HDAC8: variants seen among roughly 807,000 people sequenced by gnomAD.
HDAC8 encodes the protein histone deacetylase-like 1.
A neutral mutation model predicts 32.2 loss-of-function variants in HDAC8; 1 was observed. The ratio of observed to expected loss-of-function variants is 0.03; its 90% confidence interval spans 0.01 to 0.15. The LOEUF (loss-of-function observed/expected upper bound fraction) is 0.15. Ranked by LOEUF, HDAC8 falls within the 10% of genes least tolerant of loss-of-function variation. The pLI is 1.00. For missense variants in HDAC8, 117 were observed against 300.0 expected, an observed-to-expected ratio of 0.39 and a Z score of 4.51; for synonymous variants, 108 against 113.9, an observed-to-expected ratio of 0.95 and a Z score of 0.33.
At chrX:72,442,330 G>A (rs530102463) in intron 9 of HDAC8, among the ~76,000 whole-genome samples, 19 of 111,519 alleles carry the variant, frequency 1.7e-4, no homozygotes, top group Non-Finnish European at 2.8e-4. Context: ...GACTAACAGC[G>A]GATCTCTCGG....
chrX:72,456,565 A>G (rs1555989689), intron 9 of HDAC8, among the ~76,000 whole-genome samples: 4 of 111,624 alleles, frequency 3.6e-5, no homozygotes, highest in Non-Finnish European at 7.5e-5. Flanking sequence ...TTGGGAGGCC[A>G]AGGCAGGCGA....
In HDAC8 at chrX:72,356,590, T is replaced by G. The variant is rs187024051; in HGVS notation, c.1006-4752A>C. On this transcript the variant is annotated intron_variant, in intron 9 of 10. Transcript: ENST00000373573. ...GGAGATACTGCAAGCTTTTTTTTTT[T>G]TGGGGATGGAGTCTCACTCTGTCGC... Among the ~76,000 whole-genome samples, 1,020 of 110,295 alleles carry G rather than the reference T, an allele frequency of 9.2e-3. 8 individuals are homozygous for G. Among genetic ancestry groups the G allele is most frequent in the African/African-American group, 0.031 (941 of 30,233 alleles).
At position 72,565,233 on chromosome X, in the gene HDAC8, G is replaced by T. The variant is rs184188709; in HGVS notation, c.437+2656C>A. On this transcript the variant is annotated intron_variant, in intron 4 of 10. Coordinates refer to ENST00000373573, the MANE Select transcript of HDAC8 (RefSeq NM_018486.3). ...TCAATGCTTGTTCAATGAATAAATGGCATGTATGAATCTGTACATATATTT... is the reference window on the plus strand; with the variant it reads ...TCAATGCTTGTTCAATGAATAAATGTCATGTATGAATCTGTACATATATTT... Among the ~76,000 whole-genome samples the T allele has an allele frequency of 1.5e-4, 17 of 112,338 alleles. No individual in the cohort carries two copies. In the East Asian group the frequency reaches 4.7e-3, roughly 31 times the overall value.
intron 4 of HDAC8, among the ~76,000 whole-genome samples, chrX:72,546,388 A>C (rs1556055090): frequency 2.7e-5 from 3 of 111,258 alleles, no homozygotes; most frequent in Non-Finnish European, 5.6e-5. Context: ...TGGGGGAAGA[A>C]GGATGTGGTC....
intron 9 of HDAC8, among the ~76,000 whole-genome samples, chrX:72,352,412 T>C (rs1181894616): frequency 5.4e-5 from 6 of 111,628 alleles, no homozygotes; most frequent in African/African-American, 2.0e-4. Context: ...ATTGTGCTTG[T>C]TGCAGAGGGA....
At position 72,417,649 on chromosome X, in the gene HDAC8, A is replaced by G. The variant is rs782326678; in HGVS notation, c.1005+44355T>C. On this transcript the variant is annotated intron_variant, in intron 9 of 10. Coordinates refer to ENST00000373573, the MANE Select transcript of HDAC8 (RefSeq NM_018486.3). ...TTAAAATGGCCATACTGCCCAAAGC[A>G]ATTTACTGTTTCAATGCTATTTCTA... 7.7e-4 allele frequency among the ~76,000 whole-genome samples: 86 copies of G among 112,144 alleles called. 1 individual carries two copies. Among genetic ancestry groups the G allele is most frequent in the Middle Eastern group, 9.3e-3 (2 of 215 alleles).
At chrX:72,474,012 C>T in intron 7 of HDAC8, 2 of 631,522 alleles carry the variant, frequency 3.2e-6, no homozygotes, top group Non-Finnish European at 3.8e-6. Flanking sequence ...TCTCTCCCAA[C>T]TTTGATCTTG....
At chrX:72,481,862 G>T (rs782072730) in intron 7 of HDAC8, among the ~76,000 whole-genome samples, 63 of 110,254 alleles carry the variant, frequency 5.7e-4, no homozygotes, top group African/African-American at 2.1e-3. Context: ...TGCTCACCTT[G>T]GCCTCCCAAA....
chrX:72,535,187 TCTA>T (rs1556038436), intron 4 of HDAC8, among the ~76,000 whole-genome samples: 1 of 112,056 alleles, frequency 8.9e-6, no homozygotes, highest in East Asian at 2.8e-4. Context: ...TATTGGTGCT[TCTA>T]CTGTCGCTTC....
chrX:72,454,344 T>C (rs782578895), intron 9 of HDAC8, among the ~76,000 whole-genome samples: 7 of 111,068 alleles, frequency 6.3e-5, no homozygotes, highest in Non-Finnish European at 1.1e-4. Flanking sequence ...AGGGGTGTTG[T>C]CCAGAGCTAA....
rs183659328 is a variant in HDAC8, at chrX:72,399,240, A to C, written c.1006-47402T>G. On this transcript the variant is annotated intron_variant, in intron 9 of 10. Transcript: ENST00000373573. ...CCCAACATGATTTATTAAAGAATTC[A>C]CTCTTTCCTTGACCGATCTGCAATG... is the stretch of plus-strand genomic sequence containing the variant. Among the ~76,000 whole-genome samples the C allele has an allele frequency of 4.2e-3, 464 of 111,130 alleles. 4 individuals carry two copies. The highest frequency in any genetic ancestry group is 7.0e-3 in the Non-Finnish European group (373 of 52,984).
At chrX:72,457,501 G>C (rs1225446580) in intron 9 of HDAC8, among the ~76,000 whole-genome samples, 12 of 112,600 alleles carry the variant, frequency 1.1e-4, no homozygotes, top group African/African-American at 3.9e-4. Flanking sequence ...AGTAAATTTA[G>C]CAAGGTTACA....
chrX:72,559,220 CTG>C (rs1556108119), intron 4 of HDAC8, among the ~76,000 whole-genome samples: 1 of 106,503 alleles, frequency 9.4e-6, no homozygotes, highest in Non-Finnish European at 1.9e-5. Context: ...TGCAGGCGTG[CTG>C]CCACGCCTGA....
At chrX:72,443,690 C>A (rs1326838355) in intron 9 of HDAC8, among the ~76,000 whole-genome samples, 1 of 107,942 alleles carries the variant, frequency 9.3e-6, no homozygotes, top group Non-Finnish European at 1.9e-5. Flanking sequence ...AAAATCAGAG[C>A]AGAACTGAAG....
At chrX:72,440,608 A>C (rs1555981317) in intron 9 of HDAC8, among the ~76,000 whole-genome samples, 1 of 112,189 alleles carries the variant, frequency 8.9e-6, no homozygotes, top group African/African-American at 3.2e-5. Context: ...TGAGCGACGC[A>C]GAAGACGGGT....
chrX:72,515,593 G>C (rs1266766768), intron 4 of HDAC8, among the ~76,000 whole-genome samples: 1 of 83,652 alleles, frequency 1.2e-5, no homozygotes, highest in Admixed American at 1.4e-4. Flanking sequence ...TGTGTGGGGG[G>C]GGGGTGGGGG....
intron 9 of HDAC8, among the ~76,000 whole-genome samples, chrX:72,411,271 ACCTTG>A (rs2046189671): frequency 9.1e-6 from 1 of 109,432 alleles, no homozygotes; most frequent in African/African-American, 3.4e-5. Flanking sequence ...TGATCCTCCC[ACCTTG>A]GCCTCCCAAA....
Position 72,528,231 on chromosome X carries a change from T to C in HDAC8, c.438-32963A>G, listed in dbSNP as rs1465779869. 2.7e-5 allele frequency among the ~76,000 whole-genome samples: 3 copies of C among 111,612 alleles called. No individual in the cohort carries two copies. In the East Asian group the frequency reaches 8.4e-4, roughly 31 times the overall value. On this transcript the variant is annotated intron_variant, in intron 4 of 10. Transcript: ENST00000373573. ...GAGGACAGAATTTTGTCTACTCATC[T>C]CTATCTCAACCCCCTAGCACAGTGC...
chrX:72,413,643 C>T (rs906017526), intron 9 of HDAC8, among the ~76,000 whole-genome samples: 7 of 110,552 alleles, frequency 6.3e-5, no homozygotes, highest in Admixed American at 1.9e-4. Context: ...ATCATGGGGG[C>T]GGTTACCTCC....
Sources: allele counts gnomAD v4.1 joint callset (sites outside exome capture counted in the v4.1 genomes callset), GRCh38; gene constraint gnomAD v4.1.1; transcripts MANE v1.5; gene names NCBI Gene and HGNC (gene_info 2026-07-23, HGNC 2026-07-21).